Variants in PARD3 observed in about 807,000 individuals in gnomAD.
PARD3 encodes partitioning defective 3 homolog.
In PARD3, 75 loss-of-function variants were observed where a neutral mutation model predicts 155.4. The ratio of observed to expected loss-of-function variants is 0.48; its 90% CI spans 0.40 to 0.58. PARD3 has a LOEUF of 0.58. PARD3 is among the 20% of genes least tolerant of loss of function. The probability of loss-of-function intolerance (pLI) is 0.00; values close to 1 mark genes in which losing one functional copy is unlikely to be tolerated. For missense variants in PARD3, 1,642 were observed against 1,721.7 expected (o/e 0.95, Z 0.82); for synonymous variants, 576 against 610.5 (o/e 0.94, Z 0.83).
intron 1 of PARD3, among the ~76,000 whole-genome samples, chr10:34,757,554 C>CA (rs1477018509): frequency 6.6e-6 from 1 of 151,898 alleles, no homozygotes; most frequent in Admixed American, 6.6e-5. Context: ...ACTAAAAATA[C>CA]AAAAAAATTA....
intron 1 of PARD3, among the ~76,000 whole-genome samples, chr10:34,733,296 G>A (rs374188500): frequency 6.6e-6 from 1 of 152,136 alleles, no homozygotes; most frequent in African/African-American, 2.4e-5. Context: ...ATCATTGACA[G>A]TGACTATTAG....
chr10:34,666,796 A>AAAAAAAAATAT (rs1358640964), intron 2 of PARD3, among the ~76,000 whole-genome samples: 58 of 66,920 alleles, frequency 8.7e-4, no homozygotes, highest in South Asian at 2.3e-3. Context: ...AAAAAAAAAA[A>AAAAAAAAATAT]ATATATATAT....
intron 1 of PARD3, among the ~76,000 whole-genome samples, chr10:34,775,219 A>G (rs1399036766): frequency 6.6e-6 from 1 of 152,192 alleles, no homozygotes; most frequent in Non-Finnish European, 1.5e-5. Context: ...AAGATTGACC[A>G]CCAAAAGGAA....
At chr10:34,466,764 T>C (rs892618999) in intron 4 of PARD3, among the ~76,000 whole-genome samples, 5 of 152,068 alleles carry the variant, frequency 3.3e-5, no homozygotes, top group African/African-American at 1.2e-4. Flanking sequence ...CAAGTATGCT[T>C]TCCTTCCTTC....
chr10:34,288,104 A>T (rs550052788), intron 20 of PARD3, among the ~76,000 whole-genome samples: 1 of 152,172 alleles, frequency 6.6e-6, no homozygotes, highest in East Asian at 1.9e-4. Context: ...TCAGCTACTC[A>T]AGGGGCTGAG....
intron 22 of PARD3, among the ~76,000 whole-genome samples, chr10:34,145,018 G>T (rs2132898030): frequency 6.6e-6 from 1 of 151,764 alleles, no homozygotes; most frequent in East Asian, 1.9e-4. Flanking sequence ...TTAAATGTAT[G>T]TATTCTATCA....
intron 11 of PARD3, among the ~76,000 whole-genome samples, chr10:34,374,175 A>G (rs1840984939): frequency 6.6e-6 from 1 of 152,192 alleles, no homozygotes; most frequent in Non-Finnish European, 1.5e-5. Flanking sequence ...GCACTTTTGC[A>G]GAAAACCACT....
chr10:34,336,423 A>G (rs965570417), intron 17 of PARD3, 180 bp from the exon 18 acceptor site: 1 of 553,378 alleles, frequency 1.8e-6, no homozygotes, highest in East Asian at 3.0e-5. Flanking sequence ...CAGTGTCTCC[A>G]TGCAATATGC....
chr10:34,183,672 C>T (rs967616093), intron 22 of PARD3, among the ~76,000 whole-genome samples: 2 of 152,160 alleles, frequency 1.3e-5, no homozygotes, highest in Admixed American at 6.5e-5. Context: ...CAGGTTTTCA[C>T]GGGGCTACGT....
chr10:34,178,796 T>C (rs1950143390), intron 22 of PARD3, among the ~76,000 whole-genome samples: 1 of 152,218 alleles, frequency 6.6e-6, no homozygotes, highest in Admixed American at 6.5e-5. Flanking sequence ...ATAATTTGCT[T>C]AGTGGTCACC....
At chr10:34,342,757 T>C (rs1006471673) in intron 15 of PARD3, among the ~76,000 whole-genome samples, 1 of 152,200 alleles carries the variant, frequency 6.6e-6, no homozygotes, top group South Asian at 2.1e-4. Context: ...AATTGCTACA[T>C]CTTTTCAGGA....
At chr10:34,486,715 G>C (rs2079497293) in intron 3 of PARD3, among the ~76,000 whole-genome samples, 1 of 152,102 alleles carries the variant, frequency 6.6e-6, no homozygotes, top group African/African-American at 2.4e-5. Context: ...GTCTGGAATG[G>C]GTAGGATCTG....
chr10:34,166,644 C>G (rs185536922), intron 22 of PARD3, among the ~76,000 whole-genome samples: 15 of 151,680 alleles, frequency 9.9e-5, no homozygotes, highest in African/African-American at 3.6e-4. Flanking sequence ...AAAAAGAGTT[C>G]AGAAAGGACT....
intron 4 of PARD3, among the ~76,000 whole-genome samples, chr10:34,453,139 A>G (rs1346995997): frequency 6.6e-6 from 1 of 152,192 alleles, no homozygotes; most frequent in Non-Finnish European, 1.5e-5. Flanking sequence ...ATTTCAGACA[A>G]TGGTGCTTAC....
chr10:34,528,216 T>C (rs979173963), intron 2 of PARD3, among the ~76,000 whole-genome samples: 1 of 152,190 alleles, frequency 6.6e-6, no homozygotes, highest in African/African-American at 2.4e-5. Flanking sequence ...GGAAGGTAAA[T>C]ACTAGTGCCA....
chr10:34,352,230 A>G (rs1838166049), intron 14 of PARD3, among the ~76,000 whole-genome samples: 2 of 152,254 alleles, frequency 1.3e-5, no homozygotes, highest in East Asian at 1.9e-4. Flanking sequence ...GCTATTTTCA[A>G]CACTCAAGGA....
chr10:34,197,895 AATTTTTGT>A (rs1951024001), intron 22 of PARD3, among the ~76,000 whole-genome samples: 1 of 152,116 alleles, frequency 6.6e-6, no homozygotes, highest in South Asian at 2.1e-4. Flanking sequence ...ACGCCCAGCT[AATTTTTGT>A]ATTTTTAGTA....
At chr10:34,423,096 T>C (rs1042178268) in intron 5 of PARD3, among the ~76,000 whole-genome samples, 1 of 152,100 alleles carries the variant, frequency 6.6e-6, no homozygotes, top group Non-Finnish European at 1.5e-5. Flanking sequence ...AATACACAGA[T>C]ACATACATAC....
chr10:34,449,146 T>C (rs552580387), intron 5 of PARD3, among the ~76,000 whole-genome samples: 1 of 151,912 alleles, frequency 6.6e-6, no homozygotes, highest in Non-Finnish European at 1.5e-5. Context: ...CTCGATCTCC[T>C]GACCTCGTGA....
Sources: allele counts gnomAD v4.1 joint callset (sites outside exome capture counted in the v4.1 genomes callset), GRCh38; gene constraint gnomAD v4.1.1; transcripts MANE v1.5; gene names NCBI Gene and HGNC (gene_info 2026-07-23, HGNC 2026-07-21).